The following LHX2 variants were observed in gnomAD, a reference collection of about 807,000 sequenced individuals.
The protein encoded by LHX2 is LIM/homeobox protein Lhx2.
LHX2 carries 6 observed loss-of-function variants against 33.0 expected under a neutral mutation model. The ratio of observed to expected loss-of-function variants is 0.18; its 90% CI spans 0.10 to 0.36. The LOEUF is 0.36. Among genes scored for constraint, LHX2 ranks in the 10% least tolerant of loss-of-function variants. The pLI is 1.00. For synonymous variants in LHX2, 292 were observed against 253.1 expected (o/e 1.15, Z -1.46); for missense variants, 442 against 586.2 (o/e 0.75, Z 2.54).
chr9:124,024,788 A>G (rs7018496), intron 4 of LHX2, among the ~76,000 whole-genome samples: 150,405 of 152,366 alleles, frequency 0.99, 74,237 homozygotes, highest in East Asian at 1. Context: ...TGAAACTGAG[A>G]TTCTGAGAGT....
In LHX2 at chr9:124,032,305, C is replaced by T. The variant is rs767997056; in HGVS notation, c.934-115C>T. 92 of 1,292,374 alleles carry T rather than the reference C, an allele frequency of 7.1e-5. No individual in the cohort carries two copies. The highest frequency in any genetic ancestry group is 8.1e-5 in the Non-Finnish European group (78 of 964,046). The allele number at this position is 1,292,374 out of a possible 1,614,324, so 80.1% of individuals were successfully genotyped here. On this transcript the variant is annotated intron_variant, in intron 4 of 4. Coordinates refer to ENST00000373615, the MANE Select transcript of LHX2 (RefSeq NM_004789.4). The surrounding 1 kb of genome is among the most constrained non-coding windows in gnomAD (Gnocchi z 4.1). ...TATTGCCAACCTGACTTTTTGGATCCTCTTGGCAAAACACAGATCAGCGTC... is the reference window on the plus strand; with the variant it reads ...TATTGCCAACCTGACTTTTTGGATCTTCTTGGCAAAACACAGATCAGCGTC...
At chr9:124,024,995 G>T (rs1012332634) in intron 4 of LHX2, among the ~76,000 whole-genome samples, 1 of 152,176 alleles carries the variant, frequency 6.6e-6, no homozygotes, top group Non-Finnish European at 1.5e-5. Context: ...GCCATGTCTT[G>T]GTAGGGAAGC....
chr9:124,019,027 C>T (rs1252416958), intron 3 of LHX2, among the ~76,000 whole-genome samples: 9 of 152,194 alleles, frequency 5.9e-5, no homozygotes. Context: ...GGGAGGCTGC[C>T]CCACCCCCAG....
At chr9:124,019,808 G>A (rs936785807) in intron 3 of LHX2, among the ~76,000 whole-genome samples, 5 of 152,200 alleles carry the variant, frequency 3.3e-5, no homozygotes, top group Admixed American at 3.3e-4. Context: ...CCCCTTATGA[G>A]GCTTACCCCA....
At chr9:124,026,128 G>T (rs1828616410) in intron 4 of LHX2, among the ~76,000 whole-genome samples, 1 of 152,184 alleles carries the variant, frequency 6.6e-6, no homozygotes, top group Non-Finnish European at 1.5e-5. Flanking sequence ...TGCCGGGCAG[G>T]GCTGGAGGCA....
In LHX2 at chr9:124,015,306, G is replaced by T; in HGVS notation, c.508G>T (p.Glu170Ter). The T allele has an allele frequency of 6.2e-7, 1 of 1,614,004 alleles. No homozygotes were observed. Among genetic ancestry groups the T allele is most frequent in the Non-Finnish European group, 8.5e-7 (1 of 1,180,036 alleles). The change falls in exon 3 of 5, where the codon GAG (glutamate) becomes TAG (stop). Residue 170 changes from glutamate (E) to a stop codon, truncating the protein, a stop_gained. Coordinates refer to ENST00000373615, the MANE Select transcript of LHX2 (RefSeq NM_004789.4). LOFTEE classifies it high-confidence loss of function. The surrounding 1 kb of genome is among the most constrained non-coding windows in gnomAD (Gnocchi z 7.9). ...DSLVYCRLHF[E>*]ALLQGEYPAH... ...CCTGGTCTACTGCCGCTTGCACTTC[G>T]AGGCGCTGCTGCAGGGCGAGTACCC...
chr9:124,028,177 G>T (rs1263800311), intron 4 of LHX2, among the ~76,000 whole-genome samples: 1 of 152,210 alleles, frequency 6.6e-6, no homozygotes, highest in East Asian at 1.9e-4. Context: ...GGGGAAGGAG[G>T]TTTGTGAGGC....
At chr9:124,030,627 CTT>C (rs35399092) in intron 4 of LHX2, among the ~76,000 whole-genome samples, 3,572 of 105,292 alleles carry the variant, frequency 0.034, 157 homozygotes, top group African/African-American at 0.13. Context: ...TTTTTCTTTT[CTT>C]TTTTTTTTTT....
At chr9:124,019,582 A>C (rs551321446) in intron 3 of LHX2, among the ~76,000 whole-genome samples, 1 of 152,328 alleles carries the variant, frequency 6.6e-6, no homozygotes, top group Non-Finnish European at 1.5e-5. Context: ...TAGTATTTGA[A>C]TTTCAGGTAA....
rs556603388 is a variant in LHX2, at chr9:124,014,927, A to G, written c.324-195A>G. ...AAGTCTCTGTAGGCATAAGTGTGTT[A>G]AGGGAAACTATTTTAGGACAGGACC... On this transcript the variant is annotated intron_variant, in intron 2 of 4. Coordinates refer to ENST00000373615, the MANE Select transcript of LHX2 (RefSeq NM_004789.4). This position sits in a 1 kb window ranked among gnomAD's most constrained non-coding sequence, Gnocchi z 4.8. 1.9e-3 allele frequency among the ~76,000 whole-genome samples: 282 copies of G among 152,246 alleles called. No individual in the cohort carries two copies. Among genetic ancestry groups the G allele is most frequent in the African/African-American group, 6.7e-3 (280 of 41,518 alleles).
Position 124,013,953 on chromosome 9 carries a change from C to T in LHX2, c.121-8C>T, listed in dbSNP as rs754016840. The stretch of plus-strand genomic sequence containing the variant: ...GCGCTGCTGTCTTCCGCCTCCCTCC[C>T]TTCGCAGACCATGCCGTCCATCAGC... On this transcript the variant is annotated splice_polypyrimidine_tract_variant and splice_region_variant and intron_variant, in intron 1 of 4. Coordinates refer to ENST00000373615, the MANE Select transcript of LHX2 (RefSeq NM_004789.4). The T allele has an allele frequency of 6.2e-7, 1 of 1,610,756 alleles. No homozygotes were observed. The highest frequency in any genetic ancestry group is 1.1e-5 in the South Asian group (1 of 91,000).
At chr9:124,026,185 G>T (rs535196613) in intron 4 of LHX2, among the ~76,000 whole-genome samples, 1 of 152,122 alleles carries the variant, frequency 6.6e-6, no homozygotes, top group Non-Finnish European at 1.5e-5. Context: ...CTGGCTGGGC[G>T]TGGTGGCTCA....
In LHX2 at chr9:124,015,365, G is replaced by T. The variant is rs1251706709; in HGVS notation, c.567G>T (p.Ala189=). The T allele has an allele frequency of 1.2e-6, 2 of 1,610,114 alleles. No individual in the cohort carries two copies. Among genetic ancestry groups the T allele is most frequent in the African/African-American group, 2.7e-5 (2 of 74,768 alleles). The change falls in exon 3 of 5, where the codon GCG becomes GCT. Residue 189 remains alanine, a synonymous_variant. Coordinates refer to ENST00000373615, the MANE Select transcript of LHX2 (RefSeq NM_004789.4). The surrounding 1 kb of genome is among the most constrained non-coding windows in gnomAD (Gnocchi z 7.9). ...AHFNHADVAA[A]AAAAAAAKSA... is the part of the protein sequence containing the mutation. Reference sequence around the variant, plus strand: ...TCAACCATGCCGACGTGGCAGCGGCGGCCGCTGCAGCCGCGGCGGCCAAGA... The same window carrying T: ...TCAACCATGCCGACGTGGCAGCGGCTGCCGCTGCAGCCGCGGCGGCCAAGA...
At position 124,012,372 on chromosome 9, in the gene LHX2, C is replaced by T; in HGVS notation, c.24C>T (p.Gly8=). 3 of 1,526,180 alleles carry T rather than the reference C, an allele frequency of 2.0e-6. No individual in the cohort carries two copies. Among genetic ancestry groups the T allele is most frequent in the Non-Finnish European group, 2.6e-6 (3 of 1,141,338 alleles). The allele number at this position is 1,526,180 out of a possible 1,614,324, so 94.5% of individuals were successfully genotyped here. A position where few individuals can be genotyped will look rare whatever the true frequency, so the allele number is the denominator to read the frequency against. Residue 8 remains glycine (G), a synonymous_variant, in exon 1 of 5, where the codon GGC becomes GGT. Coordinates refer to ENST00000373615, the MANE Select transcript of LHX2 (RefSeq NM_004789.4). This position sits in a 1 kb window ranked among gnomAD's most constrained non-coding sequence, Gnocchi z 4.3. MLFHSLS[G]PEVHGVIDEM... is the part of the protein sequence containing the mutation. ...CGATGCTGTTCCACAGTCTGTCGGG[C>T]CCCGAGGTGCACGGGGTCATCGACG...
chr9:124,018,272 G>GA lies in LHX2; in HGVS notation c.727+2761dup, dbSNP rs35226188. 6.0e-3 allele frequency among the ~76,000 whole-genome samples: 836 copies of GA among 140,420 alleles called. 7 individuals are homozygous for GA. The highest frequency in any genetic ancestry group is 0.019 in the African/African-American group (728 of 38,292). The allele number at this position is 140,420 out of a possible 152,430, so 92.1% of individuals were successfully genotyped here. A position where few individuals can be genotyped will look rare whatever the true frequency, so the allele number is the denominator to read the frequency against. ...TCCATTGAATCGGCCTAATTGAGAG[G>GA]AAAAAAAAAAAAAAGGAGAGAGAAA... On this transcript the variant is annotated intron_variant, in intron 3 of 4. Transcript: ENST00000373615.
chr9:124,015,479 A>G lies in LHX2; in HGVS notation c.681A>G (p.Lys227=). 7 of 1,494,440 alleles carry G rather than the reference A, an allele frequency of 4.7e-6. No homozygotes were observed. The highest frequency in any genetic ancestry group is 6.2e-6 in the Non-Finnish European group (7 of 1,123,296). The allele number at this position is 1,494,440 out of a possible 1,614,324, so 92.6% of individuals were successfully genotyped here. A position where few individuals can be genotyped will look rare whatever the true frequency, so the allele number is the denominator to read the frequency against. Residue 227 remains lysine (K), a synonymous_variant, in exon 3 of 5, where the codon AAA becomes AAG. Coordinates refer to ENST00000373615, the MANE Select transcript of LHX2 (RefSeq NM_004789.4). The surrounding 1 kb of genome is among the most constrained non-coding windows in gnomAD (Gnocchi z 7.9). ...CTGTGCAGAAGGGGCGGCCGAGGAAACGTAAGAGCCCGGGCCCCGGTGCGG... is the reference window on the plus strand; with the variant it reads ...CTGTGCAGAAGGGGCGGCCGAGGAAGCGTAAGAGCCCGGGCCCCGGTGCGG... ...VGTVQKGRPR[K]RKSPGPGADL...
At position 124,015,539 on chromosome 9, in the gene LHX2, G is replaced by A. The variant is rs765948123; in HGVS notation, c.727+14G>A. On this transcript the variant is annotated intron_variant, in intron 3 of 4. Coordinates refer to ENST00000373615, the MANE Select transcript of LHX2 (RefSeq NM_004789.4). The surrounding 1 kb of genome is among the most constrained non-coding windows in gnomAD (Gnocchi z 7.9). ...CCTACAACGCTGGTGAGTGCGCGGC[G>A]CACGAAGCGCCCCCATAGGGTTGGG... is the stretch of plus-strand genomic sequence containing the variant. 3.4e-6 allele frequency: 5 copies of A among 1,452,622 alleles called. No homozygotes were observed. Among genetic ancestry groups the A allele is most frequent in the Non-Finnish European group, 4.5e-6 (5 of 1,101,318 alleles). The allele number at this position is 1,452,622 out of a possible 1,614,324, so 90.0% of individuals were successfully genotyped here. A position where few individuals can be genotyped will look rare whatever the true frequency, so the allele number is the denominator to read the frequency against.
At chr9:124,017,362 G>A (rs1859209825) in intron 3 of LHX2, among the ~76,000 whole-genome samples, 1 of 152,132 alleles carries the variant, frequency 6.6e-6, no homozygotes, top group African/African-American at 2.4e-5. Context: ...CTCTTTCGGG[G>A]CTCCCGGGAC....
chr9:124,028,146 C>T (rs1223908377), intron 4 of LHX2, among the ~76,000 whole-genome samples: 1 of 152,198 alleles, frequency 6.6e-6, no homozygotes. Flanking sequence ...GCCCTCCTGG[C>T]TTTCTTGATG....
Sources: gnomAD v4.1 joint callset for allele counts (sites outside exome capture counted in the v4.1 genomes callset) on GRCh38, gnomAD v4.1.1 for gene constraint, Gnocchi (gnomAD v3.1) non-coding constraint, MANE v1.5 for transcripts, NCBI Gene and HGNC (gene_info 2026-07-23, HGNC 2026-07-21) for gene names.